The following DYNC2I1 variants were observed in gnomAD, a reference collection of about 807,000 sequenced individuals.
DYNC2I1 encodes dynein 2 intermediate chain 1, also known as cytoplasmic dynein 2 intermediate chain 1.
In DYNC2I1, 89 loss-of-function variants were observed where a neutral mutation model predicts 133.4. That is an observed-to-expected ratio of 0.67 (90% confidence interval 0.56 to 0.80). The LOEUF is 0.80. Among genes scored for constraint, DYNC2I1 ranks in the 30% least tolerant of loss-of-function variants. The pLI, the probability that DYNC2I1 is intolerant of heterozygous loss-of-function variation, is 0.00. For synonymous variants in DYNC2I1, 504 were observed against 484.3 expected (o/e 1.04, Z -0.54); for missense variants, 1,291 against 1,314.5 (o/e 0.98, Z 0.28).
chr7:158,913,442 G>A (rs1585133122), intron 13 of DYNC2I1, among the ~76,000 whole-genome samples: 1 of 152,274 alleles, frequency 6.6e-6, no homozygotes, highest in African/African-American at 2.4e-5. Flanking sequence ...CTTAGGGGAA[G>A]CCTATTCTCA....
intron 21 of DYNC2I1, among the ~76,000 whole-genome samples, chr7:158,930,807 A>G (rs1055503199): frequency 6.6e-6 from 1 of 152,026 alleles, no homozygotes; most frequent in African/African-American, 2.4e-5. Flanking sequence ...AGCTGGGATT[A>G]CAGGCGCCTG....
At chr7:158,904,290 T>A (rs1846538116) in intron 10 of DYNC2I1, 1 of 152,290 alleles carries the variant, frequency 6.6e-6, no homozygotes, top group African/African-American at 2.4e-5. Context: ...GCCAGGCACG[T>A]TCTGAGTGCT....
intron 24 of DYNC2I1, among the ~76,000 whole-genome samples, chr7:158,944,623 G>A (rs980942952): frequency 5.3e-5 from 8 of 152,144 alleles, no homozygotes; most frequent in South Asian, 2.1e-4. Flanking sequence ...GCCGCCCCAC[G>A]TCCTGTGGAG....
intron 11 of DYNC2I1, among the ~76,000 whole-genome samples, chr7:158,908,579 G>T (rs1162588422): frequency 6.6e-6 from 1 of 152,158 alleles, no homozygotes; most frequent in African/African-American, 2.4e-5. Context: ...GATCATACAA[G>T]ACTTGAGATC....
chr7:158,858,955 CCCCTT>C (rs1463847062), intron 1 of DYNC2I1, among the ~76,000 whole-genome samples: 1 of 50,488 alleles, frequency 2.0e-5, no homozygotes, highest in Non-Finnish European at 3.7e-5. Flanking sequence ...CCCCTCCCCT[CCCCTT>C]TCCTCCCCTC....
At chr7:158,924,189 G>GTGT (rs2129486740) in intron 17 of DYNC2I1, among the ~76,000 whole-genome samples, 1 of 152,356 alleles carries the variant, frequency 6.6e-6, no homozygotes, top group African/African-American at 2.4e-5. Flanking sequence ...CCTGGCATAA[G>GTGT]TGTTCCCTGT....
intron 18 of DYNC2I1, 45 bp from the exon 19 acceptor site, chr7:158,926,357 C>T: frequency 1.9e-6 from 3 of 1,602,400 alleles, no homozygotes; most frequent in Admixed American, 1.7e-5. Context: ...AATATGGTTT[C>T]CTTATTTAAA....
At chr7:158,933,791 A>C (rs1850467523) in intron 21 of DYNC2I1, among the ~76,000 whole-genome samples, 1 of 152,244 alleles carries the variant, frequency 6.6e-6, no homozygotes, top group African/African-American at 2.4e-5. Context: ...TGGTGCAAAA[A>C]GTAGGAGTCA....
chr7:158,867,266 C>T (rs1363517571), intron 1 of DYNC2I1, among the ~76,000 whole-genome samples: 2 of 151,926 alleles, frequency 1.3e-5, no homozygotes, highest in East Asian at 1.9e-4. Flanking sequence ...TGGTGATACG[C>T]GGTTAGGTTA....
the DYNC2I1 span, among the ~76,000 whole-genome samples, chr7:158,843,941 G>A: frequency 1.3e-5 from 2 of 152,164 alleles, no homozygotes; most frequent in African/African-American, 4.8e-5. Flanking sequence ...GGTAGGCAGT[G>A]AGGCAGTGGT....
Position 158,887,080 on chromosome 7 carries a change from G to A in DYNC2I1, c.990+5G>A. ...GATAAAGATTCAAGACGGAAGGTAA[G>A]GCAGTCTCCACTGAGAATACATTGA... is the stretch of plus-strand genomic sequence containing the variant. On this transcript the variant is annotated splice_donor_5th_base_variant and intron_variant, in intron 7 of 24. Coordinates refer to ENST00000407559, the MANE Select transcript of DYNC2I1 (RefSeq NM_018051.5). 1 of 1,613,190 alleles carries A rather than the reference G, an allele frequency of 6.2e-7. No homozygotes were observed. The highest frequency in any genetic ancestry group is 8.5e-7 in the Non-Finnish European group (1 of 1,179,170).
At position 158,941,919 on chromosome 7, in the gene DYNC2I1, T is replaced by G. The variant is rs190324060; in HGVS notation, c.2779-6T>G. 62 of 1,592,040 alleles carry G rather than the reference T, an allele frequency of 3.9e-5. No individual in the cohort carries two copies. The African/African-American group carries it at 6.7e-4, about 17-fold the overall frequency. Reference sequence around the variant, plus strand: ...GCTCAGCAGTGTTCTTTCTTCCTGGTCATAGGCCGGCTGTTCGGACGGAAG... The same window carrying G: ...GCTCAGCAGTGTTCTTTCTTCCTGGGCATAGGCCGGCTGTTCGGACGGAAG... On this transcript the variant is annotated splice_polypyrimidine_tract_variant and splice_region_variant and intron_variant, in intron 23 of 24. Coordinates refer to ENST00000407559, the MANE Select transcript of DYNC2I1 (RefSeq NM_018051.5).
chr7:158,871,778 C>T (rs1349568461), intron 3 of DYNC2I1, among the ~76,000 whole-genome samples: 1 of 152,196 alleles, frequency 6.6e-6, no homozygotes, highest in Admixed American at 6.5e-5. Context: ...TCAAGGGATC[C>T]TCCCACCGCA....
At chr7:158,876,867 T>G (rs1843406439) in intron 4 of DYNC2I1, among the ~76,000 whole-genome samples, 176 bp downstream of exon 4, 1 of 152,228 alleles carries the variant, frequency 6.6e-6, no homozygotes, top group South Asian at 2.1e-4. Context: ...AAGTGCGTTT[T>G]TCTGATTCCA....
At chr7:158,903,054 G>T (rs938213508) in intron 10 of DYNC2I1, 2 of 158,698 alleles carry the variant, frequency 1.3e-5, no homozygotes, top group Non-Finnish European at 2.8e-5. Flanking sequence ...TGCTCCTTGA[G>T]TTTCCACAGA....
At chr7:158,913,270 C>T (rs1009607876) in intron 13 of DYNC2I1, among the ~76,000 whole-genome samples, 174 bp downstream of exon 13, 2 of 152,214 alleles carry the variant, frequency 1.3e-5, no homozygotes, top group African/African-American at 4.8e-5. Context: ...AACCAGCAGC[C>T]ACAGAGCTGC....
intron 11 of DYNC2I1, among the ~76,000 whole-genome samples, chr7:158,910,318 C>T (rs533919215): frequency 8.2e-4 from 124 of 151,860 alleles, no homozygotes; most frequent in African/African-American, 2.9e-3. Context: ...GGGCCATTGG[C>T]TGTGTCAGGT....
chr7:158,886,066 C>T (rs913121697), intron 6 of DYNC2I1, among the ~76,000 whole-genome samples: 3 of 148,392 alleles, frequency 2.0e-5, no homozygotes, highest in African/African-American at 7.4e-5. Flanking sequence ...TTATATATAT[C>T]TTTTATATTT....
chr7:158,906,386 T>C (rs952692774), intron 11 of DYNC2I1, among the ~76,000 whole-genome samples: 7 of 152,184 alleles, frequency 4.6e-5, no homozygotes, highest in Admixed American at 3.3e-4. Context: ...ATAAAAGATA[T>C]ATTTTAAAGT....
Sources: allele counts gnomAD v4.1 joint callset (sites outside exome capture counted in the v4.1 genomes callset), GRCh38; gene constraint gnomAD v4.1.1; transcripts MANE v1.5; gene names NCBI Gene and HGNC (gene_info 2026-07-23, HGNC 2026-07-21).